Variants in ARHGAP23 observed in about 807,000 individuals in gnomAD.
The protein encoded by ARHGAP23 is Rho GTPase activating protein 23, also known as rho GTPase-activating protein 23.
A neutral mutation model predicts 136.3 loss-of-function variants in ARHGAP23; 34 were observed. That is an observed-to-expected ratio of 0.25 (90% CI 0.19 to 0.33). The LOEUF (loss-of-function observed/expected upper bound fraction) is 0.33, where lower values mean the gene tolerates loss of function less well. Ranked by LOEUF, ARHGAP23 falls within the 10% of genes least tolerant of loss-of-function variation. The pLI, the probability that ARHGAP23 is intolerant of heterozygous loss-of-function variation, is 1.00. For missense variants in ARHGAP23, 1,808 were observed against 2,139.0 expected, an observed-to-expected ratio of 0.85 and a Z score of 3.05; for synonymous variants, 832 against 920.5, an observed-to-expected ratio of 0.90 and a Z score of 1.74.
rs2039623366 is a variant in ARHGAP23 at position 38,467,042 on chromosome 17, G to A, written c.1359G>A (p.Gln453=). The change falls in exon 7 of 24, where the codon CAG becomes CAA. Residue 453 remains glutamine, a synonymous_variant. Transcript: ENST00000622683. The part of the protein sequence containing the change: ...FGGLPTFNLA[Q]SPASFPPEAS... ...GGCTGCCTACCTTCAACCTGGCCCAGTCCCCTGCGTCATTCCCACCAGAGG... is the reference window on the plus strand; with the variant it reads ...GGCTGCCTACCTTCAACCTGGCCCAATCCCCTGCGTCATTCCCACCAGAGG... 1 of 1,550,944 alleles carries A rather than the reference G, an allele frequency of 6.4e-7. No homozygotes were observed. Among genetic ancestry groups the A allele is most frequent in the Non-Finnish European group, 8.7e-7 (1 of 1,146,966 alleles).
At position 38,486,094 on chromosome 17, in the gene ARHGAP23, G is replaced by A. The variant is rs755763868; in HGVS notation, c.2940G>A (p.Leu980=). 54 of 1,551,332 alleles carry A rather than the reference G, an allele frequency of 3.5e-5. No homozygotes were observed. Among genetic ancestry groups the A allele is most frequent in the Admixed American group, 2.0e-5 (1 of 50,974 alleles). The change falls in exon 17 of 24, where the codon CTG becomes CTA. Residue 980 remains leucine (L), a synonymous_variant. Coordinates refer to ENST00000622683, the MANE Select transcript of ARHGAP23 (RefSeq NM_001199417.2). ...AAGACCTCAATGTGATCAGCAGCCT[G>A]CTCAAGTCCTTCTTCCGAAAGCTGC... The part of the protein sequence containing the change: ...RWQDLNVISS[L]LKSFFRKLPE...
At chr17:38,445,303 TAA>T (rs61636599) in intron 1 of ARHGAP23, among the ~76,000 whole-genome samples, 28,513 of 111,304 alleles carry the variant, frequency 0.26, 3,685 homozygotes, top group East Asian at 0.42. Context: ...TGTCTCTACT[TAA>T]AAAAAAAAAA....
At chr17:38,464,249 A>G (rs1343308297) in intron 6 of ARHGAP23, among the ~76,000 whole-genome samples, 1 of 152,144 alleles carries the variant, frequency 6.6e-6, no homozygotes, top group African/African-American at 2.4e-5. Context: ...CGTGGCCCAG[A>G]CACTGCACGA....
At chr17:38,492,456 G>C (rs1359851263) in intron 20 of ARHGAP23, among the ~76,000 whole-genome samples, 2 of 152,128 alleles carry the variant, frequency 1.3e-5, no homozygotes, top group Non-Finnish European at 1.5e-5. Flanking sequence ...GGAGGAAACA[G>C]GCTCAGAGAG....
At position 38,482,626 on chromosome 17, in the gene ARHGAP23, G is replaced by T. The variant is rs1216618634; in HGVS notation, c.2855G>T (p.Ser952Ile). Residue 952 changes from serine to isoleucine, a missense_variant, in exon 16 of 24, where the codon AGC becomes ATC. Around this residue, in one of 7 missense-constraint regions of ARHGAP23, gnomAD observed 105 missense variants for 200.6 expected, o/e 0.52. Transcript: ENST00000622683. ...RVPGNNAVVS[S>I]LQEQLNRGPG... ...CCCGGCAACAATGCAGTGGTGTCCA[G>T]CCTACAGGAGCAGCTCAACCGCGGG... 3.9e-6 allele frequency: 6 copies of T among 1,549,668 alleles called. No homozygotes were observed. The highest frequency in any genetic ancestry group is 4.4e-6 in the Non-Finnish European group (5 of 1,146,702).
chr17:38,448,538 T>C (rs58573831), intron 1 of ARHGAP23, among the ~76,000 whole-genome samples: 13,584 of 151,922 alleles, frequency 0.089, 1,209 homozygotes, highest in African/African-American at 0.23. Context: ...CAAAGTCTCA[T>C]ATCTAGAAAG....
chr17:38,469,299 A>C lies in ARHGAP23; in HGVS notation c.1804A>C (p.Ser602Arg). The change falls in exon 8 of 24, where the codon AGC (serine) becomes CGC (arginine). Residue 602 changes from serine (S) to arginine (R), a missense_variant and splice_region_variant. By Grantham distance (110) the Ser-to-Arg change is moderately radical. Coordinates refer to ENST00000622683, the MANE Select transcript of ARHGAP23 (RefSeq NM_001199417.2). Reference protein sequence around the residue: ...TLGRHYSQDCSSIKAGRRSSY... With the variant: ...TLGRHYSQDCRSIKAGRRSSY... ...CGGACGCCATTACTCGCAGGACTGC[A>C]GTGAGCACTCCCCACACCCCCAGCC... 1 of 1,549,810 alleles carries C rather than the reference A, an allele frequency of 6.5e-7. No individual in the cohort carries two copies. The highest frequency in any genetic ancestry group is 8.7e-7 in the Non-Finnish European group (1 of 1,145,908).
At chr17:38,502,996 C>T (rs2144801916) in intron 23 of ARHGAP23, among the ~76,000 whole-genome samples, 1 of 152,192 alleles carries the variant, frequency 6.6e-6, no homozygotes. Context: ...AGTGATGAGC[C>T]GTGATCATGC....
chr17:38,467,105 C>G lies in ARHGAP23; in HGVS notation c.1422C>G (p.Ser474Arg). 6.4e-7 allele frequency: 1 copy of G among 1,550,492 alleles called. No homozygotes were observed. Among genetic ancestry groups the G allele is most frequent in the Non-Finnish European group, 8.7e-7 (1 of 1,146,742 alleles). ...EPPRVVRPEP[S>R]TRALEPPAED... ...CCAGGGTTGTACGGCCGGAACCCAG[C>G]ACCCGGGCCCTGGAGCCTCCTGCGG... is the stretch of plus-strand genomic sequence containing the variant. Residue 474 changes from serine to arginine, a missense_variant, in exon 7 of 24, where the codon AGC becomes AGG. By Grantham distance (110) the Ser-to-Arg change is moderately radical. This residue lies in a region of ARHGAP23 where 859 missense variants were observed against 936.4 expected (regional missense o/e 0.92). Transcript: ENST00000622683.
chr17:38,445,617 T>A (rs934686209), intron 1 of ARHGAP23, among the ~76,000 whole-genome samples: 2 of 151,276 alleles, frequency 1.3e-5, no homozygotes, highest in Non-Finnish European at 2.9e-5. Flanking sequence ...AGTGGAATAA[T>A]ATAATATTTA....
intron 1 of ARHGAP23, among the ~76,000 whole-genome samples, chr17:38,429,391 C>T (rs1038865608): frequency 6.6e-6 from 1 of 152,240 alleles, no homozygotes; most frequent in African/African-American, 2.4e-5. Flanking sequence ...CCTCCCTGCT[C>T]CTAAGTTGAA....
intron 17 of ARHGAP23, among the ~76,000 whole-genome samples, chr17:38,487,152 C>T (rs2040178398): frequency 6.6e-6 from 1 of 152,212 alleles, no homozygotes; most frequent in Non-Finnish European, 1.5e-5. Context: ...GAGCGGGCTC[C>T]AGCACACCGC....
At chr17:38,498,882 C>T (rs746887335) in intron 22 of ARHGAP23, 54 of 697,772 alleles carry the variant, frequency 7.7e-5, no homozygotes, top group Middle Eastern at 3.6e-4. Context: ...CTCTTCTCCC[C>T]GTGCTCTCCT....
At chr17:38,473,370 C>T (rs779814806) in intron 11 of ARHGAP23, among the ~76,000 whole-genome samples, 2 of 152,142 alleles carry the variant, frequency 1.3e-5, no homozygotes, top group Admixed American at 6.5e-5. Context: ...ATATCAAGCA[C>T]GTGGCTTTGG....
chr17:38,432,086 G>A (rs947054213), intron 1 of ARHGAP23, among the ~76,000 whole-genome samples: 4 of 152,224 alleles, frequency 2.6e-5, no homozygotes, highest in Admixed American at 1.3e-4. Flanking sequence ...GGCGCCCCAT[G>A]CCCAGCTCTA....
At position 38,436,688 on chromosome 17, in the gene ARHGAP23, C is replaced by T. The variant is rs1053505809; in HGVS notation, c.63+8140C>T. Among the ~76,000 whole-genome samples the T allele has an allele frequency of 9.2e-5, 14 of 152,224 alleles. No homozygotes were observed. The East Asian group carries it at 2.7e-3, about 29-fold the overall frequency. On this transcript the variant is annotated intron_variant, in intron 1 of 23. Coordinates refer to ENST00000622683, the MANE Select transcript of ARHGAP23 (RefSeq NM_001199417.2). ...AAAAGTCTCCACAAAGACTGTAGAACCATGAGTTCTAAGATTTGCATCCAG... is the reference window on the plus strand; with the variant it reads ...AAAAGTCTCCACAAAGACTGTAGAATCATGAGTTCTAAGATTTGCATCCAG...
chr17:38,428,570 A>G (rs1037988791), intron 1 of ARHGAP23, 22 bp downstream of exon 1: 2 of 1,392,410 alleles, frequency 1.4e-6, no homozygotes, highest in Non-Finnish European at 1.9e-6. Context: ...GGGCCAGGGA[A>G]GTGGGCGGGG....
chr17:38,432,841 C>T (rs1567771858), intron 1 of ARHGAP23, among the ~76,000 whole-genome samples: 1 of 152,158 alleles, frequency 6.6e-6, no homozygotes, highest in Non-Finnish European at 1.5e-5. Context: ...AAAACCAAAC[C>T]AAACGAAACA....
At chr17:38,451,779 A>ACAGGGCAGGT (rs974547790) in intron 1 of ARHGAP23, 2 of 152,452 alleles carry the variant, frequency 1.3e-5, no homozygotes, top group African/African-American at 4.8e-5. Flanking sequence ...TGACGGAGTC[A>ACAGGGCAGGT]CAGGGCAGGT....
Sources: gnomAD v4.1 joint callset for allele counts (sites outside exome capture counted in the v4.1 genomes callset) on GRCh38, gnomAD v4.1.1 for gene constraint, gnomAD v4.1.1 regional missense constraint, MANE v1.5 for transcripts, NCBI Gene and HGNC (gene_info 2026-07-23, HGNC 2026-07-21) for gene names.